Variants in SWT1 observed in about 807,000 individuals in gnomAD.
The protein encoded by SWT1 is SWT1 RNA endoribonuclease homolog, also known as transcriptional protein SWT1.
A neutral mutation model predicts 107.3 loss-of-function variants in SWT1; 33 were observed. The ratio of observed to expected loss-of-function variants is 0.31; its 90% CI spans 0.23 to 0.41. SWT1 has a LOEUF of 0.41. Ranked by LOEUF, SWT1 falls within the 10% of genes least tolerant of loss-of-function variation. SWT1 has a pLI of 1.00. For synonymous variants in SWT1, 345 were observed against 348.3 expected (o/e 0.99, Z 0.11); for missense variants, 898 against 1,028.9 (o/e 0.87, Z 1.74).
At chr1:185,167,960 C>T (rs959453562) in intron 3 of SWT1, among the ~76,000 whole-genome samples, 2 of 152,158 alleles carry the variant, frequency 1.3e-5, no homozygotes, top group African/African-American at 4.8e-5. Flanking sequence ...TTCTACTTCT[C>T]GTCTTTATTA....
intron 2 of SWT1, among the ~76,000 whole-genome samples, chr1:185,161,815 A>G (rs1170690343): frequency 6.6e-6 from 1 of 152,228 alleles, no homozygotes. Flanking sequence ...AAACCATGTA[A>G]TCAGTTTCAT....
Position 185,174,387 on chromosome 1 carries a change from T to C in SWT1, c.240T>C (p.Ile80=), listed in dbSNP as rs1315266445. The C allele has an allele frequency of 1.3e-6, 2 of 1,550,928 alleles. No homozygotes were observed. Among genetic ancestry groups the C allele is most frequent in the Admixed American group, 4.4e-5 (2 of 45,612 alleles). Reference sequence around the variant, plus strand: ...TGTTTTACAGATTGAGTGTAGAAATTGACACTCTCAGAAGGAGACCAAAAA... The same window carrying C: ...TGTTTTACAGATTGAGTGTAGAAATCGACACTCTCAGAAGGAGACCAAAAA... ...RQGLKRLSVE[I]DTLRRRPKIG... The change falls in exon 5 of 19, where the codon ATT becomes ATC. Residue 80 remains isoleucine (I), a synonymous_variant. Coordinates refer to ENST00000367500, the MANE Select transcript of SWT1 (RefSeq NM_017673.7).
intron 2 of SWT1, among the ~76,000 whole-genome samples, chr1:185,164,609 A>G (rs1053435823): frequency 3.3e-5 from 5 of 152,234 alleles, no homozygotes; most frequent in African/African-American, 1.2e-4. Context: ...TTTATGTTAC[A>G]GAGATGGCTT....
At chr1:185,267,402 T>C (rs972948379) in intron 16 of SWT1, among the ~76,000 whole-genome samples, 2 of 152,164 alleles carry the variant, frequency 1.3e-5, no homozygotes, top group African/African-American at 4.8e-5. Flanking sequence ...AGGGAGATAG[T>C]GTATGTAAAG....
intron 13 of SWT1, among the ~76,000 whole-genome samples, chr1:185,209,937 T>C (rs984535393): frequency 1.2e-4 from 18 of 152,232 alleles, no homozygotes; most frequent in African/African-American, 4.1e-4. Context: ...TGAGATGGTA[T>C]CTCATTGTGC....
intron 15 of SWT1, among the ~76,000 whole-genome samples, chr1:185,229,087 G>A (rs1218439662): frequency 1.3e-5 from 2 of 152,074 alleles, no homozygotes; most frequent in Non-Finnish European, 2.9e-5. Context: ...ACAAGATCAG[G>A]CCTGCGTTTT....
intron 7 of SWT1, 136 bp downstream of exon 7, chr1:185,182,193 A>AT: frequency 1.2e-6 from 1 of 852,464 alleles, no homozygotes; most frequent in South Asian, 2.8e-5. Context: ...GTAATAGTTT[A>AT]TTTTTTAGGT....
intron 4 of SWT1, among the ~76,000 whole-genome samples, chr1:185,171,972 T>A (rs1571407264): frequency 6.6e-6 from 1 of 152,204 alleles, no homozygotes; most frequent in East Asian, 1.9e-4. Context: ...GTGAAACTCC[T>A]ATAAAAACTC....
chr1:185,233,401 A>G (rs929960721), intron 16 of SWT1, among the ~76,000 whole-genome samples: 3 of 152,012 alleles, frequency 2.0e-5, no homozygotes, highest in African/African-American at 2.4e-5. Flanking sequence ...TTAGAGTGTC[A>G]ATTTTAGATC....
chr1:185,265,036 C>A (rs944443043), intron 16 of SWT1, among the ~76,000 whole-genome samples: 2 of 152,044 alleles, frequency 1.3e-5, no homozygotes, highest in Non-Finnish European at 2.9e-5. Context: ...TCTTCCTATT[C>A]CCACCACCAA....
At chr1:185,185,690 G>A (rs1051161480) in intron 9 of SWT1, among the ~76,000 whole-genome samples, 1 of 151,968 alleles carries the variant, frequency 6.6e-6, no homozygotes, top group South Asian at 2.1e-4. Context: ...CATCTTAAGA[G>A]GAATCCAATT....
chr1:185,209,306 T>A (rs540661599), intron 13 of SWT1, among the ~76,000 whole-genome samples: 1 of 152,160 alleles, frequency 6.6e-6, no homozygotes, highest in East Asian at 1.9e-4. Flanking sequence ...GTATACACGT[T>A]CCATGGGGGT....
intron 16 of SWT1, among the ~76,000 whole-genome samples, chr1:185,246,419 G>C (rs929632899): frequency 1.3e-5 from 2 of 151,982 alleles, no homozygotes; most frequent in Non-Finnish European, 2.9e-5. Flanking sequence ...TGGGACTACA[G>C]GCATACCCTA....
rs71101962 is a variant in SWT1 at position 185,176,286 on chromosome 1, C to CA, written c.966+1201dup. On this transcript the variant is annotated intron_variant, in intron 5 of 18. Transcript: ENST00000367500. ...AGGTGACAGAAAGAGACCTTGTCTCCAAAAAAAAAAAAAAAAAAAAAAAAA... is the reference window on the plus strand; with the variant it reads ...AGGTGACAGAAAGAGACCTTGTCTCCAAAAAAAAAAAAAAAAAAAAAAAAAA... 7.6e-3 allele frequency among the ~76,000 whole-genome samples: 360 copies of CA among 47,328 alleles called. 20 individuals carry two copies. The highest frequency in any genetic ancestry group is 0.013 in the African/African-American group (126 of 10,028). The allele number at this position is 47,328 out of a possible 152,430, so 31.0% of individuals were successfully genotyped here.
intron 16 of SWT1, among the ~76,000 whole-genome samples, chr1:185,236,397 G>A (rs773275189): frequency 6.6e-6 from 1 of 152,096 alleles, no homozygotes; most frequent in Non-Finnish European, 1.5e-5. Context: ...CAGAACAGAG[G>A]CCTCAGAAGT....
intron 16 of SWT1, among the ~76,000 whole-genome samples, chr1:185,253,893 C>T (rs544943344): frequency 4.0e-5 from 6 of 151,594 alleles, no homozygotes; most frequent in African/African-American, 1.2e-4. Flanking sequence ...TTTGTCCATT[C>T]AGTATGATAT....
intron 15 of SWT1, among the ~76,000 whole-genome samples, chr1:185,229,421 C>A (rs1458908417): frequency 6.6e-6 from 1 of 152,042 alleles, no homozygotes; most frequent in East Asian, 1.9e-4. Context: ...ATTTCTCCCA[C>A]ATTTTGTCAT....
Position 185,174,870 on chromosome 1 carries a change from T to C in SWT1, c.723T>C (p.Arg241=). The change falls in exon 5 of 19, where the codon CGT becomes CGC. Residue 241 remains arginine (R), a synonymous_variant. Transcript: ENST00000367500. ...GTTTCAAAATCCCTATAAAATCCCG[T>C]GACACCCTCCAGAAACTTGTAGAAG... ...KISFKIPIKS[R]DTLQKLVEEN... 1 of 1,614,058 alleles carries C rather than the reference T, an allele frequency of 6.2e-7. No individual in the cohort carries two copies. Among genetic ancestry groups the C allele is most frequent in the Non-Finnish European group, 8.5e-7 (1 of 1,180,000 alleles).
intron 11 of SWT1, among the ~76,000 whole-genome samples, chr1:185,203,869 G>A (rs1406741213): frequency 1.3e-5 from 2 of 151,956 alleles, no homozygotes; most frequent in South Asian, 2.1e-4. Flanking sequence ...TGGAAATAAC[G>A]TTTTTGTCAT....
Sources: gnomAD v4.1 joint callset for allele counts (sites outside exome capture counted in the v4.1 genomes callset) on GRCh38, gnomAD v4.1.1 for gene constraint, MANE v1.5 for transcripts, NCBI Gene and HGNC (gene_info 2026-07-23, HGNC 2026-07-21) for gene names.